KALRN: variants seen among roughly 807,000 people sequenced by gnomAD.
KALRN encodes kalirin RhoGEF kinase, also known as kalirin.
In KALRN, 70 loss-of-function variants were observed where a neutral mutation model predicts 353.7. The observed-to-expected ratio is 0.20, with a 90% confidence interval of 0.16 to 0.24. The LOEUF is 0.24. Among genes scored for constraint, KALRN ranks in the 10% least tolerant of loss-of-function variants. The pLI is 1.00. For synonymous variants in KALRN, 1,391 were observed against 1,434.8 expected (o/e 0.97, Z 0.69); for missense variants, 2,791 against 3,756.7 (o/e 0.74, Z 6.72).
chr3:124,598,502 G>A (rs148680355), intron 34 of KALRN, among the ~76,000 whole-genome samples: 125 of 152,230 alleles, frequency 8.2e-4, no homozygotes, highest in African/African-American at 2.9e-3. Context: ...CTGACTCCTG[G>A]TCCCCTCAAT....
intron 34 of KALRN, among the ~76,000 whole-genome samples, chr3:124,565,378 AAGTCT>A (rs781193612): frequency 1.3e-5 from 2 of 152,204 alleles, no homozygotes; most frequent in South Asian, 2.1e-4. Context: ...GTTCCGCTTG[AAGTCT>A]AGCCAAGAGG....
At chr3:124,103,972 G>GA (rs369798302) in intron 1 of KALRN, among the ~76,000 whole-genome samples, 4 of 150,724 alleles carry the variant, frequency 2.7e-5, no homozygotes, top group South Asian at 4.2e-4. Flanking sequence ...AAGAGAGAGA[G>GA]AAAAAAAAAG....
chr3:124,598,548 A>C (rs1159776369), intron 34 of KALRN, among the ~76,000 whole-genome samples: 3 of 152,192 alleles, frequency 2.0e-5, no homozygotes, highest in African/African-American at 7.2e-5. Context: ...AACTGCTGTC[A>C]TAATTTTGCA....
intron 1 of KALRN, among the ~76,000 whole-genome samples, chr3:124,183,336 G>A (rs1451235501): frequency 2.0e-5 from 3 of 152,180 alleles, no homozygotes; most frequent in East Asian, 3.8e-4. Context: ...GTCTCAGGAA[G>A]CTTCCAATCA....
At chr3:124,701,885 A>T (rs1407995358) in intron 56 of KALRN, among the ~76,000 whole-genome samples, 153 bp from the exon 57 acceptor site, 1 of 152,202 alleles carries the variant, frequency 6.6e-6, no homozygotes, top group African/African-American at 2.4e-5. Context: ...TTAAAATAAC[A>T]TTCCAGAGAA....
chr3:124,410,085 C>T, intron 13 of KALRN: 2 of 405,124 alleles, frequency 4.9e-6, no homozygotes, highest in Non-Finnish European at 9.9e-6. Context: ...AATATAGAAA[C>T]ACCAGGTACA....
At chr3:124,694,545 T>C (rs1258860902) in intron 53 of KALRN, 42 bp downstream of exon 53, 4 of 1,589,722 alleles carry the variant, frequency 2.5e-6, no homozygotes, top group Non-Finnish European at 2.6e-6. Flanking sequence ...AGCCCCTTGC[T>C]TGACACAGCA....
intron 45 of KALRN, among the ~76,000 whole-genome samples, chr3:124,664,372 C>T (rs59065816): frequency 0.04 from 4,428 of 109,406 alleles, 171 homozygotes; most frequent in African/African-American, 0.14. Flanking sequence ...TGTGTGTGTG[C>T]GCGCGCGCGC....
chr3:124,574,255 C>A (rs1469154241), intron 34 of KALRN, among the ~76,000 whole-genome samples: 1 of 152,234 alleles, frequency 6.6e-6, no homozygotes, highest in Non-Finnish European at 1.5e-5. Flanking sequence ...CAGTGTCGTG[C>A]TGTCTCCAAG....
chr3:124,471,256 T>TTTTTTATTTTTATTA (rs377604411), intron 25 of KALRN, among the ~76,000 whole-genome samples: 1 of 138,824 alleles, frequency 7.2e-6, no homozygotes. Flanking sequence ...CCCACAAAGT[T>TTTTTTATTTTTATTA]TTATTATTAT....
chr3:124,541,304 G>A (rs1213932960), intron 33 of KALRN, among the ~76,000 whole-genome samples: 1 of 151,708 alleles, frequency 6.6e-6, no homozygotes, highest in Non-Finnish European at 1.5e-5. Context: ...ACAAAAATCA[G>A]CTAGGCATGA....
intron 3 of KALRN, among the ~76,000 whole-genome samples, chr3:124,259,032 A>G (rs1266892791): frequency 1.3e-5 from 2 of 152,238 alleles, no homozygotes; most frequent in Admixed American, 1.3e-4. Context: ...CAAATGATTT[A>G]TTAAGGGTCT....
chr3:124,575,872 A>T (rs1380724413), intron 34 of KALRN, among the ~76,000 whole-genome samples: 1 of 152,162 alleles, frequency 6.6e-6, no homozygotes, highest in Admixed American at 6.5e-5. Context: ...TCCCTAACAG[A>T]ATCACATTTG....
At chr3:124,580,384 G>GT (rs1398227667) in intron 34 of KALRN, among the ~76,000 whole-genome samples, 2 of 148,540 alleles carry the variant, frequency 1.3e-5, no homozygotes, top group African/African-American at 2.5e-5. Context: ...GGGGAGGGGG[G>GT]ACTCAGGCAG....
chr3:124,517,897 G>A (rs2066797801), intron 33 of KALRN, among the ~76,000 whole-genome samples: 1 of 152,212 alleles, frequency 6.6e-6, no homozygotes, highest in Non-Finnish European at 1.5e-5. Flanking sequence ...AGATTTGCTG[G>A]TAGGGCACAG....
rs2063373771 is a variant in KALRN, at chr3:124,722,681, G to C, written c.*3211G>C. The C allele has an allele frequency of 6.6e-6, 1 of 152,184 alleles. No individual in the cohort carries two copies. The highest frequency in any genetic ancestry group is 2.4e-5 in the African/African-American group (1 of 41,444). 9.4% of individuals were successfully genotyped at this position (152,184 alleles called of 1,614,324 possible). ...GGAAAAAGGATCAGGGGCCACTCTT[G>C]TTCCTGTTTTGGCGGAGAGATTTAT... On this transcript the variant is annotated 3_prime_UTR_variant, in exon 60 of 60. Transcript: ENST00000682506.
At chr3:124,194,645 A>T (rs1199299289) in intron 1 of KALRN, among the ~76,000 whole-genome samples, 3 of 152,202 alleles carry the variant, frequency 2.0e-5, no homozygotes, top group East Asian at 1.9e-4. Context: ...CTGAAAGCAT[A>T]AATGGCTTGC....
intron 38 of KALRN, among the ~76,000 whole-genome samples, chr3:124,654,751 G>A (rs2083812887): frequency 6.6e-6 from 1 of 152,118 alleles, no homozygotes; most frequent in Non-Finnish European, 1.5e-5. Context: ...TCAAATCCTG[G>A]CTCTGCTACT....
intron 2 of KALRN, among the ~76,000 whole-genome samples, chr3:124,231,062 G>C (rs771312832): frequency 2.7e-4 from 41 of 152,208 alleles, no homozygotes; most frequent in Non-Finnish European, 5.3e-4. Context: ...AATTGAGCCT[G>C]CCCTCCTCTG....
Sources: gnomAD v4.1 joint callset for allele counts (sites outside exome capture counted in the v4.1 genomes callset) on GRCh38, gnomAD v4.1.1 for gene constraint, MANE v1.5 for transcripts, NCBI Gene and HGNC (gene_info 2026-07-23, HGNC 2026-07-21) for gene names.